Variants in COL21A1 observed in about 807,000 individuals in gnomAD.
COL21A1 encodes the protein collagen alpha-1(XXI) chain.
In COL21A1, 149 loss-of-function variants were observed where a neutral mutation model predicts 137.9. The ratio of observed to expected loss-of-function variants is 1.08; its 90% CI spans 0.95 to 1.24. The LOEUF is 1.24. Among genes scored for constraint, COL21A1 ranks in the 50% most tolerant of loss-of-function variants. The pLI, the probability that COL21A1 is intolerant of heterozygous loss-of-function variation, is 0.00. For missense variants in COL21A1, 1,167 were observed against 1,158.4 expected (o/e 1.01, Z -0.11); for synonymous variants, 456 against 391.5 (o/e 1.16, Z -1.95).
At chr6:56,368,113 T>C (rs1766143545) in intron 1 of COL21A1, among the ~76,000 whole-genome samples, 1 of 152,236 alleles carries the variant, frequency 6.6e-6, no homozygotes, top group Non-Finnish European at 1.5e-5. Context: ...TTTTCTAATT[T>C]GTGCTAATCT....
intron 1 of COL21A1, among the ~76,000 whole-genome samples, chr6:56,278,307 G>T (rs888062515): frequency 2.0e-5 from 3 of 152,298 alleles, no homozygotes; most frequent in East Asian, 3.9e-4. Context: ...TACACTTAAT[G>T]ATCTCCAAAA....
At chr6:56,323,932 C>T (rs1244326049) in intron 1 of COL21A1, among the ~76,000 whole-genome samples, 6 of 152,056 alleles carry the variant, frequency 3.9e-5, no homozygotes, top group South Asian at 2.1e-4. Context: ...GCCTGACTAA[C>T]GCTTGGTCAA....
intron 1 of COL21A1, among the ~76,000 whole-genome samples, chr6:56,272,861 A>T (rs1322843269): frequency 1.3e-5 from 2 of 152,218 alleles, no homozygotes; most frequent in Non-Finnish European, 2.9e-5. Flanking sequence ...TCCCCAAGCC[A>T]TATGGAACTG....
At chr6:56,329,818 T>C (rs988149446) in intron 1 of COL21A1, among the ~76,000 whole-genome samples, 1 of 152,086 alleles carries the variant, frequency 6.6e-6, no homozygotes, top group Non-Finnish European at 1.5e-5. Flanking sequence ...ATGTGATTCT[T>C]AGCATAGTCT....
chr6:56,124,495 A>G (rs1561890905), intron 14 of COL21A1, among the ~76,000 whole-genome samples: 1 of 152,230 alleles, frequency 6.6e-6, no homozygotes, highest in Non-Finnish European at 1.5e-5. Flanking sequence ...TGATAGATGC[A>G]GAATTATCAT....
At chr6:56,232,372 G>A (rs1287458195) in intron 1 of COL21A1, among the ~76,000 whole-genome samples, 4 of 152,006 alleles carry the variant, frequency 2.6e-5, no homozygotes, top group Middle Eastern at 3.4e-3. Context: ...GTGTGACAAA[G>A]TGAATTACAA....
At chr6:56,208,837 AC>A (rs1779967478) in intron 1 of COL21A1, among the ~76,000 whole-genome samples, 1 of 152,190 alleles carries the variant, frequency 6.6e-6, no homozygotes, top group Non-Finnish European at 1.5e-5. Flanking sequence ...ATACAGACCG[AC>A]GGAACAGAAC....
At chr6:56,274,763 A>C (rs1763604036) in intron 1 of COL21A1, among the ~76,000 whole-genome samples, 1 of 152,198 alleles carries the variant, frequency 6.6e-6, no homozygotes, top group Non-Finnish European at 1.5e-5. Flanking sequence ...CTATGGATTA[A>C]AAAATCAGTA....
chr6:56,298,195 G>A (rs995958515), intron 1 of COL21A1, among the ~76,000 whole-genome samples: 8 of 152,094 alleles, frequency 5.3e-5, no homozygotes, highest in East Asian at 1.9e-4. Flanking sequence ...GGAATACTCC[G>A]GAAGATGTGG....
chr6:56,306,763 G>T lies in COL21A1; in HGVS notation c.-39+87208C>A, dbSNP rs192643361. On this transcript the variant is annotated intron_variant, in intron 1 of 28. Transcript: ENST00000370819. The stretch of plus-strand genomic sequence containing the variant: ...GTCATTCTCCATCCAGCTTTGTTCC[G>T]TTGCTGGTGCATTCCTTTAGAGGAG... Among the ~76,000 whole-genome samples the T allele has an allele frequency of 1.6e-3, 59 of 36,244 alleles. No homozygotes were observed. In the South Asian group the frequency reaches 0.021, roughly 13 times the overall value. 23.8% of individuals were successfully genotyped at this position (36,244 alleles called of 152,430 possible). A position where few individuals can be genotyped will look rare whatever the true frequency, so the allele number is the denominator to read the frequency against.
At chr6:56,171,764 A>G (rs1561944228) in intron 3 of COL21A1, among the ~76,000 whole-genome samples, 1 of 151,918 alleles carries the variant, frequency 6.6e-6, no homozygotes, top group Non-Finnish European at 1.5e-5. Flanking sequence ...CTATAATTAT[A>G]TATTAATCAT....
chr6:56,194,035 C>A (rs1778869650), intron 1 of COL21A1, among the ~76,000 whole-genome samples: 1 of 152,192 alleles, frequency 6.6e-6, no homozygotes, highest in East Asian at 1.9e-4. Flanking sequence ...CCATGGCCAG[C>A]TGAGAGGCAT....
intron 1 of COL21A1, among the ~76,000 whole-genome samples, chr6:56,358,427 G>A (rs185330697): frequency 3.2e-4 from 48 of 152,018 alleles, no homozygotes; most frequent in East Asian, 5.8e-4. Context: ...TTGATTTCAC[G>A]TCTGAATTTG....
chr6:56,195,510 GA>G (rs538987210), intron 1 of COL21A1, among the ~76,000 whole-genome samples: 4 of 150,592 alleles, frequency 2.7e-5, no homozygotes, highest in Non-Finnish European at 4.4e-5. Flanking sequence ...AGAATACTAA[GA>G]AAAAAAAGAG....
intron 3 of COL21A1, among the ~76,000 whole-genome samples, chr6:56,176,077 G>A (rs1461419258): frequency 6.6e-6 from 1 of 152,030 alleles, no homozygotes; most frequent in African/African-American, 2.4e-5. Context: ...ATATCCACAT[G>A]CAAAAGAATA....
At chr6:56,392,147 C>T (rs1419203452) in intron 1 of COL21A1, among the ~76,000 whole-genome samples, 1 of 152,124 alleles carries the variant, frequency 6.6e-6, no homozygotes, top group African/African-American at 2.4e-5. Context: ...GATCACGCAT[C>T]ATGATCAAGT....
chr6:56,132,068 A>G (rs1041630099), intron 12 of COL21A1, among the ~76,000 whole-genome samples: 1 of 146,168 alleles, frequency 6.8e-6, no homozygotes, highest in African/African-American at 2.5e-5. Flanking sequence ...TGCTTTAAAA[A>G]TATAAAAAAT....
chr6:56,175,657 T>TTCCATAAATAAA (rs1331932326), intron 3 of COL21A1, among the ~76,000 whole-genome samples: 1 of 152,094 alleles, frequency 6.6e-6, no homozygotes, highest in Non-Finnish European at 1.5e-5. Flanking sequence ...GAAATATATC[T>TTCCATAAATAAA]TGTGTTCATG....
chr6:56,106,473 C>T (rs980533321), intron 16 of COL21A1, among the ~76,000 whole-genome samples: 17 of 152,182 alleles, frequency 1.1e-4, no homozygotes, highest in African/African-American at 3.4e-4. Context: ...CACTCCTCCA[C>T]ATCCCCAGCA....
Sources: allele counts gnomAD v4.1 joint callset (sites outside exome capture counted in the v4.1 genomes callset), GRCh38; gene constraint gnomAD v4.1.1; transcripts MANE v1.5; gene names NCBI Gene and HGNC (gene_info 2026-07-23, HGNC 2026-07-21).